The following PTPRG variants were observed in gnomAD, a reference collection of about 807,000 sequenced individuals.
PTPRG encodes protein tyrosine phosphatase receptor type G.
PTPRG carries 102 observed loss-of-function variants against 165.3 expected under a neutral mutation model. That is an observed-to-expected ratio of 0.62 (90% CI 0.53 to 0.73). The LOEUF is 0.73. PTPRG is among the 30% of genes least tolerant of loss of function. PTPRG has a pLI of 0.00. For missense variants in PTPRG, 1,866 were observed against 1,861.4 expected (o/e 1.00, Z -0.05); for synonymous variants, 675 against 669.5 (o/e 1.01, Z -0.13).
chr3:61,706,544 A>G (rs1333581182), intron 1 of PTPRG, among the ~76,000 whole-genome samples: 7 of 151,356 alleles, frequency 4.6e-5, no homozygotes, highest in African/African-American at 1.7e-4. Context: ...CCCAGGCTGA[A>G]ATGCAATGGC....
intron 2 of PTPRG, among the ~76,000 whole-genome samples, chr3:61,858,283 A>G (rs912209597): frequency 6.6e-6 from 1 of 152,232 alleles, no homozygotes; most frequent in Non-Finnish European, 1.5e-5. Flanking sequence ...AGCCTAGTTC[A>G]GAAAGTAGAT....
At chr3:61,761,141 G>T (rs573747880) in intron 2 of PTPRG, among the ~76,000 whole-genome samples, 1 of 152,256 alleles carries the variant, frequency 6.6e-6, no homozygotes, top group East Asian at 1.9e-4. Flanking sequence ...GGGTCTAATG[G>T]TATTTCTGAT....
intron 10 of PTPRG, among the ~76,000 whole-genome samples, chr3:62,196,282 A>G (rs1699961589): frequency 6.6e-6 from 1 of 151,634 alleles, no homozygotes; most frequent in African/African-American, 2.4e-5. Flanking sequence ...AATCCCAGCT[A>G]CTCCCAGCTA....
intron 5 of PTPRG, among the ~76,000 whole-genome samples, chr3:62,084,342 A>G (rs766550673): frequency 2.0e-5 from 3 of 152,086 alleles, no homozygotes; most frequent in Non-Finnish European, 4.4e-5. Flanking sequence ...CTACTGGGAG[A>G]GTTGAGCTGC....
At chr3:61,665,741 TC>T (rs1438350162) in intron 1 of PTPRG, among the ~76,000 whole-genome samples, 3 of 152,086 alleles carry the variant, frequency 2.0e-5, no homozygotes, top group Non-Finnish European at 4.4e-5. Flanking sequence ...GGTGGGAGGA[TC>T]GCTTGAGCCC....
intron 2 of PTPRG, chr3:61,925,770 A>T (rs1464084926): frequency 2.5e-6 from 1 of 393,264 alleles, no homozygotes; most frequent in Admixed American, 3.2e-5. Flanking sequence ...ATCATTGGTC[A>T]AAGTTGCAGC....
intron 2 of PTPRG, among the ~76,000 whole-genome samples, chr3:61,920,961 A>G (rs1009193982): frequency 1.3e-5 from 2 of 152,172 alleles, no homozygotes; most frequent in Non-Finnish European, 2.9e-5. Flanking sequence ...CTCCTATTCA[A>G]TGGTAAGCTT....
chr3:61,996,014 T>C (rs139612730), intron 3 of PTPRG, among the ~76,000 whole-genome samples: 1,766 of 152,278 alleles, frequency 0.012, 16 homozygotes, highest in Non-Finnish European at 0.019. Flanking sequence ...TGCCTGATTC[T>C]GCCTGTTTTC....
chr3:62,064,210 A>G (rs547639881), intron 4 of PTPRG, among the ~76,000 whole-genome samples: 3 of 152,298 alleles, frequency 2.0e-5, no homozygotes, highest in African/African-American at 7.2e-5. Flanking sequence ...TTGGCCCCAA[A>G]TGAATACAAG....
intron 6 of PTPRG, among the ~76,000 whole-genome samples, chr3:62,136,536 T>C: frequency 6.6e-6 from 1 of 152,186 alleles, no homozygotes; most frequent in South Asian, 2.1e-4. Flanking sequence ...CATTTCCCAG[T>C]GCTTTGAGGC....
intron 2 of PTPRG, among the ~76,000 whole-genome samples, chr3:61,895,170 C>T (rs571471338): frequency 2.6e-5 from 4 of 151,976 alleles, no homozygotes; most frequent in African/African-American, 9.7e-5. Flanking sequence ...GAAACTCATG[C>T]GTATGAGTCA....
rs1700804771 is a variant in PTPRG at position 62,228,016 on chromosome 3, C to T, written c.2289-3209C>T. On this transcript the variant is annotated intron_variant, in intron 13 of 29. Transcript: ENST00000474889. This position sits in a 1 kb window ranked among gnomAD's most constrained non-coding sequence, Gnocchi z 4.1. ...CCCATTTTTGAGAGGCTCTCCCTTGCCAGTTTGCCAGTCTCTGCCCTCCCC... is the reference window on the plus strand; with the variant it reads ...CCCATTTTTGAGAGGCTCTCCCTTGTCAGTTTGCCAGTCTCTGCCCTCCCC... Among the ~76,000 whole-genome samples the T allele has an allele frequency of 6.6e-6, 1 of 152,120 alleles. No individual in the cohort carries two copies. Among genetic ancestry groups the T allele is most frequent in the South Asian group, 2.1e-4 (1 of 4,830 alleles).
intron 5 of PTPRG, among the ~76,000 whole-genome samples, chr3:62,094,623 T>C (rs1047166712): frequency 6.6e-6 from 1 of 152,212 alleles, no homozygotes; most frequent in African/African-American, 2.4e-5. Context: ...GGATATTCTG[T>C]GCCAGGATGT....
At chr3:61,927,654 A>G (rs572099246) in intron 2 of PTPRG, among the ~76,000 whole-genome samples, 5 of 152,328 alleles carry the variant, frequency 3.3e-5, no homozygotes, top group African/African-American at 4.8e-5. Context: ...CCTTTTAAGT[A>G]GAACCAGGAC....
chr3:62,033,754 C>A (rs1218163342), intron 4 of PTPRG, among the ~76,000 whole-genome samples: 1 of 152,018 alleles, frequency 6.6e-6, no homozygotes, highest in African/African-American at 2.4e-5. Flanking sequence ...TTTCCAGCAA[C>A]CCTCATTGTT....
chr3:61,811,200 A>G (rs564609227), intron 2 of PTPRG, among the ~76,000 whole-genome samples: 3 of 152,122 alleles, frequency 2.0e-5, no homozygotes, highest in Admixed American at 1.3e-4. Flanking sequence ...AAGGCCCATG[A>G]ATAGAGTGCT....
chr3:62,207,199 A>G (rs1333074209), intron 12 of PTPRG, among the ~76,000 whole-genome samples: 2 of 152,254 alleles, frequency 1.3e-5, no homozygotes. Context: ...CTTGTAGCAC[A>G]AAAGCCACCA....
chr3:62,256,769 C>A (rs749819552), intron 16 of PTPRG, among the ~76,000 whole-genome samples: 20 of 151,980 alleles, frequency 1.3e-4, no homozygotes, highest in Non-Finnish European at 2.8e-4. Context: ...GATTTGAGAC[C>A]CCAGTGCTAT....
intron 2 of PTPRG, among the ~76,000 whole-genome samples, chr3:61,877,149 G>T (rs759575678): frequency 1.3e-4 from 20 of 152,122 alleles, no homozygotes; most frequent in Admixed American, 3.3e-4. Context: ...CTAAATATAA[G>T]AATATTTTGC....
Sources: gnomAD v4.1 joint callset for allele counts (sites outside exome capture counted in the v4.1 genomes callset) on GRCh38, gnomAD v4.1.1 for gene constraint, Gnocchi (gnomAD v3.1) non-coding constraint, MANE v1.5 for transcripts, NCBI Gene and HGNC (gene_info 2026-07-23, HGNC 2026-07-21) for gene names.